Variants in TJP2 observed in about 807,000 individuals in gnomAD.
TJP2 encodes the protein Friedreich ataxia region gene X104 (tight junction protein ZO-2).
A neutral mutation model predicts 133.1 loss-of-function variants in TJP2; 91 were observed. That is an observed-to-expected ratio of 0.68 (90% CI 0.58 to 0.81). The LOEUF is 0.81. Ranked by LOEUF, TJP2 falls within the 40% of genes least tolerant of loss-of-function variation. The pLI, the probability that TJP2 is intolerant of heterozygous loss-of-function variation, is 0.00. For synonymous variants in TJP2, 592 were observed against 583.4 expected, an observed-to-expected ratio of 1.01 and a Z score of -0.21; for missense variants, 1,541 against 1,565.6, an observed-to-expected ratio of 0.98 and a Z score of 0.26.
chr9:69,200,682 C>G (rs1446825625), intron 1 of TJP2, among the ~76,000 whole-genome samples: 1 of 152,180 alleles, frequency 6.6e-6, no homozygotes, highest in Non-Finnish European at 1.5e-5. Flanking sequence ...GCTTGAGCCA[C>G]CATGGGGGCT....
chr9:69,156,860 C>T (rs1823796594), intron 2 of TJP2, among the ~76,000 whole-genome samples: 1 of 152,202 alleles, frequency 6.6e-6, no homozygotes, highest in Admixed American at 6.5e-5. Flanking sequence ...TCTGGCAGAG[C>T]AGGACAACTC....
At chr9:69,205,856 T>C (rs895481159) in intron 1 of TJP2, among the ~76,000 whole-genome samples, 8 of 152,326 alleles carry the variant, frequency 5.3e-5, no homozygotes, top group Admixed American at 5.2e-4. Flanking sequence ...CAGGGGGACT[T>C]TGGGCAGTGA....
chr9:69,178,799 G>C (rs1379627643), intron 1 of TJP2, among the ~76,000 whole-genome samples: 2 of 152,162 alleles, frequency 1.3e-5, no homozygotes, highest in Non-Finnish European at 2.9e-5. Flanking sequence ...TGATATGATA[G>C]AGTGATAGGG....
intron 1 of TJP2, among the ~76,000 whole-genome samples, chr9:69,203,923 T>G (rs1827198240): frequency 6.6e-6 from 1 of 152,154 alleles, no homozygotes; most frequent in Non-Finnish European, 1.5e-5. Context: ...AAGTGTAGGA[T>G]TTGAAACATA....
chr9:69,149,622 G>A (rs1024105128), intron 1 of TJP2, among the ~76,000 whole-genome samples: 6 of 152,190 alleles, frequency 3.9e-5, no homozygotes, highest in African/African-American at 1.2e-4. Flanking sequence ...ATGTCCAGAA[G>A]TGGTGAGAGG....
rs542858932 is a variant in TJP2, at chr9:69,153,697, T to C, written c.-10+1926T>C. Among the ~76,000 whole-genome samples the C allele has an allele frequency of 9.2e-5, 14 of 152,346 alleles. 1 individual carries two copies. In the South Asian group the frequency reaches 2.9e-3, roughly 32 times the overall value. ...TGGCAAAGAGAGATTGGAGCTAGCATTGTCTGTTGGAGGAAAGGCTCTTTC... is the reference window on the plus strand; with the variant it reads ...TGGCAAAGAGAGATTGGAGCTAGCACTGTCTGTTGGAGGAAAGGCTCTTTC... On this transcript the variant is annotated intron_variant, in intron 2 of 5. Coordinates refer to the TJP2 transcript ENST00000423935.
In TJP2 at chr9:69,242,442, T is replaced by G. The variant is rs73452913; in HGVS notation, c.2566+2295T>G. 1.6e-3 allele frequency among the ~76,000 whole-genome samples: 248 copies of G among 152,328 alleles called. 3 individuals carry two copies. Among genetic ancestry groups the G allele is most frequent in the African/African-American group, 5.7e-3 (237 of 41,578 alleles). ...TGCCCCTGGCACACCAAGCCATTTC[T>G]TGCCTAAACTCATCAGGAAGTTGAA... is the stretch of plus-strand genomic sequence containing the variant. On this transcript the variant is annotated intron_variant, in intron 17 of 22. Transcript: ENST00000377245.
Position 69,249,421 on chromosome 9 carries a change from C to G in TJP2, c.2927C>G (p.Ala976Gly). 6.2e-7 allele frequency: 1 copy of G among 1,611,952 alleles called. No homozygotes were observed. The highest frequency in any genetic ancestry group is 2.2e-5 in the East Asian group (1 of 44,836). ...GAGCCACGAGCTCAGATGAGGAGGG[C>G]TGCTAGCAGCGATCAACTTAGGGAC... ...SPEPRAQMRR[A>G]ASSDQLRDNS... is the part of the protein sequence containing the mutation. The change falls in exon 20 of 23, where the codon GCT becomes GGT. Residue 976 changes from alanine to glycine, a missense_variant. Physicochemically the swap from Ala to Gly is moderately conservative, Grantham distance 60 (BLOSUM62 0). Transcript: ENST00000377245.
chr9:69,167,439 TA>T (rs2132887006), intron 2 of TJP2, among the ~76,000 whole-genome samples: 1 of 152,352 alleles, frequency 6.6e-6, no homozygotes, highest in South Asian at 2.1e-4. Context: ...AGATGCTTTA[TA>T]ATGAGCACCT....
intron 1 of TJP2, among the ~76,000 whole-genome samples, chr9:69,199,585 T>C (rs1826841614): frequency 6.6e-6 from 1 of 152,184 alleles, no homozygotes; most frequent in Non-Finnish European, 1.5e-5. Flanking sequence ...GGAAACATCA[T>C]GCAGAAAACC....
At chr9:69,206,647 G>A (rs890131250) in intron 1 of TJP2, among the ~76,000 whole-genome samples, 13 of 151,100 alleles carry the variant, frequency 8.6e-5, no homozygotes, top group East Asian at 1.9e-4. Context: ...GCGCGATTTC[G>A]GCTCACTGCA....
At chr9:69,205,466 G>A (rs570722419) in intron 1 of TJP2, among the ~76,000 whole-genome samples, 4 of 152,194 alleles carry the variant, frequency 2.6e-5, no homozygotes, top group Admixed American at 2.6e-4. Flanking sequence ...TACTGGATCT[G>A]TGGATCAAAG....
At chr9:69,207,766 G>A (rs1310298221) in intron 1 of TJP2, among the ~76,000 whole-genome samples, 1 of 152,188 alleles carries the variant, frequency 6.6e-6, no homozygotes, top group Non-Finnish European at 1.5e-5. Context: ...ACCAGAGCCC[G>A]GTGGCCTAGT....
intron 1 of TJP2, among the ~76,000 whole-genome samples, chr9:69,187,377 A>G (rs1825925500): frequency 6.6e-6 from 1 of 152,202 alleles, no homozygotes; most frequent in African/African-American, 2.4e-5. Flanking sequence ...CTGTTACCAG[A>G]CTTAGTCGGC....
At chr9:69,250,410 A>C (rs1484939368) in intron 20 of TJP2, among the ~76,000 whole-genome samples, 1 of 152,182 alleles carries the variant, frequency 6.6e-6, no homozygotes, top group Non-Finnish European at 1.5e-5. Context: ...AGCCTAACTC[A>C]ATAATTTAGA....
intron 17 of TJP2, among the ~76,000 whole-genome samples, chr9:69,245,858 A>T (rs1203605018): frequency 6.6e-6 from 1 of 152,210 alleles, no homozygotes; most frequent in Non-Finnish European, 1.5e-5. Flanking sequence ...TTGAATACAC[A>T]CTGGTTGGGT....
At chr9:69,144,533 G>A (rs1160016997) in intron 1 of TJP2, among the ~76,000 whole-genome samples, 1 of 152,140 alleles carries the variant, frequency 6.6e-6, no homozygotes, top group African/African-American at 2.4e-5. Flanking sequence ...AGTTGGTGAG[G>A]AAGGAGCTAT....
intron 7 of TJP2, among the ~76,000 whole-genome samples, chr9:69,226,420 G>A (rs1167380808): frequency 2.0e-5 from 3 of 152,184 alleles, no homozygotes; most frequent in Non-Finnish European, 4.4e-5. Flanking sequence ...TTAGGCAATT[G>A]AAAGCAAAAC....
chr9:69,199,502 C>T (rs1826834478), intron 1 of TJP2, among the ~76,000 whole-genome samples: 1 of 152,058 alleles, frequency 6.6e-6, no homozygotes, highest in South Asian at 2.1e-4. Flanking sequence ...TGCACTCCAG[C>T]CTGGGCGACA....
Sources: gnomAD v4.1 joint callset for allele counts (sites outside exome capture counted in the v4.1 genomes callset) on GRCh38, gnomAD v4.1.1 for gene constraint, MANE v1.5 for transcripts, NCBI Gene and HGNC (gene_info 2026-07-23, HGNC 2026-07-21) for gene names.